Variants in CDK15 observed in about 807,000 individuals in gnomAD.
CDK15 encodes the protein cyclin dependent kinase 15.
In CDK15, 62 loss-of-function variants were observed where a neutral mutation model predicts 60.3. The observed-to-expected ratio is 1.03, with a 90% CI of 0.84 to 1.27. CDK15 has a LOEUF of 1.27. Among genes scored for constraint, CDK15 ranks in the 50% most tolerant of loss-of-function variants. The probability of loss-of-function intolerance (pLI) is 0.00; values close to 1 mark genes in which losing one functional copy is unlikely to be tolerated. For missense variants in CDK15, 541 were observed against 527.8 expected (o/e 1.03, Z -0.25); for synonymous variants, 194 against 195.7 (o/e 0.99, Z 0.07).
At chr2:201,821,680 C>CT (rs904111708) in intron 4 of CDK15, among the ~76,000 whole-genome samples, 4 of 151,940 alleles carry the variant, frequency 2.6e-5, no homozygotes, top group East Asian at 3.9e-4. Context: ...CTCATCATCT[C>CT]TTTTTTTTGA....
intron 12 of CDK15, among the ~76,000 whole-genome samples, chr2:201,881,832 C>T (rs1363278262): frequency 6.6e-6 from 1 of 152,106 alleles, no homozygotes; most frequent in Non-Finnish European, 1.5e-5. Context: ...TCAGCTTTCT[C>T]CTGTCAGACT....
intron 11 of CDK15, among the ~76,000 whole-genome samples, chr2:201,877,581 A>C (rs1284814273): frequency 2.0e-5 from 3 of 152,216 alleles, no homozygotes; most frequent in African/African-American, 7.2e-5. Flanking sequence ...CCTTCCAGAG[A>C]GATCCTAGGC....
intron 11 of CDK15, chr2:201,876,493 C>A: frequency 1.1e-6 from 1 of 917,748 alleles, no homozygotes; most frequent in Non-Finnish European, 1.5e-6. Flanking sequence ...TTGGCTTGTA[C>A]AGGGGAGACC....
At chr2:201,823,752 C>T (rs1559119016) in intron 6 of CDK15, 25 bp downstream of exon 6, 6 of 1,604,040 alleles carry the variant, frequency 3.7e-6, no homozygotes, top group Non-Finnish European at 5.1e-6. Flanking sequence ...GGTCAGGACC[C>T]TCTCCTGGCT....
intron 9 of CDK15, among the ~76,000 whole-genome samples, chr2:201,848,502 T>A (rs1697767608): frequency 6.6e-6 from 1 of 152,136 alleles, no homozygotes; most frequent in African/African-American, 2.4e-5. Context: ...AACTTCTCTA[T>A]CATCCCTAAG....
intron 10 of CDK15, chr2:201,861,116 T>C: frequency 1.0e-5 from 11 of 1,053,856 alleles, no homozygotes; most frequent in Non-Finnish European, 1.3e-5. Flanking sequence ...TCAATTCATA[T>C]GGAACTGTAA....
chr2:201,888,075 T>C (rs1055009552), intron 12 of CDK15, among the ~76,000 whole-genome samples: 2 of 151,344 alleles, frequency 1.3e-5, no homozygotes, highest in Admixed American at 1.3e-4. Flanking sequence ...CTTTTAGCGA[T>C]TATGGGCAAG....
chr2:201,820,883 T>G (rs976033356), intron 4 of CDK15, among the ~76,000 whole-genome samples: 1 of 152,138 alleles, frequency 6.6e-6, no homozygotes, highest in Non-Finnish European at 1.5e-5. Context: ...AAGTAAAAAT[T>G]AAGGCATTAG....
At chr2:201,840,728 T>C (rs1697339065) in intron 8 of CDK15, among the ~76,000 whole-genome samples, 1 of 152,240 alleles carries the variant, frequency 6.6e-6, no homozygotes, top group African/African-American at 2.4e-5. Context: ...TTGTCTTCCA[T>C]TGTTGCTGTC....
chr2:201,853,825 G>T (rs1414954481), intron 9 of CDK15, among the ~76,000 whole-genome samples: 1 of 151,974 alleles, frequency 6.6e-6, no homozygotes, highest in Non-Finnish European at 1.5e-5. Flanking sequence ...TACTCCGAAA[G>T]ACTTTATTTT....
chr2:201,835,608 G>GA, intron 7 of CDK15, 35 bp from the exon 8 acceptor site: 1 of 1,559,548 alleles, frequency 6.4e-7, no homozygotes, highest in Non-Finnish European at 8.7e-7. Flanking sequence ...CCAAGGTCCA[G>GA]AACGATGGGT....
chr2:201,864,102 T>G (rs1698511706), intron 10 of CDK15, among the ~76,000 whole-genome samples: 1 of 152,174 alleles, frequency 6.6e-6, no homozygotes, highest in Non-Finnish European at 1.5e-5. Context: ...AAAATAAATA[T>G]GACACTGGTA....
intron 4 of CDK15, among the ~76,000 whole-genome samples, chr2:201,814,949 ATTTTTTT>A (rs5837791): frequency 8.0e-6 from 1 of 124,886 alleles, no homozygotes; most frequent in Non-Finnish European, 1.7e-5. Context: ...ACTAAGGAAC[ATTTTTTT>A]TTTTTTTTTT....
chr2:201,817,557 A>G (rs1696049492), intron 4 of CDK15, among the ~76,000 whole-genome samples: 1 of 152,242 alleles, frequency 6.6e-6, no homozygotes, highest in Non-Finnish European at 1.5e-5. Flanking sequence ...ATCTTTTAAG[A>G]TCATTCTCTA....
chr2:201,812,588 T>C, intron 4 of CDK15, 26 bp downstream of exon 4: 1 of 1,526,134 alleles, frequency 6.6e-7, no homozygotes, highest in Non-Finnish European at 9.1e-7. Flanking sequence ...ATGGACCCAA[T>C]AGATCTGTTT....
chr2:201,832,556 G>T (rs751144443), intron 6 of CDK15, among the ~76,000 whole-genome samples: 1 of 152,224 alleles, frequency 6.6e-6, no homozygotes, highest in Admixed American at 6.5e-5. Context: ...GCATCAGAAA[G>T]AGAAAATGCT....
rs184986116 is a variant in CDK15 at position 201,889,761 on chromosome 2, G to A, written c.1199-1024G>A. Reference sequence around the variant, plus strand: ...TTGCACCTTAGAGTCTATATAAATAGATTGCCAGCCAGGCCCCGAGGCTCA... The same window carrying A: ...TTGCACCTTAGAGTCTATATAAATAAATTGCCAGCCAGGCCCCGAGGCTCA... On this transcript the variant is annotated intron_variant, in intron 12 of 13. Coordinates refer to ENST00000652192, the MANE Select transcript of CDK15 (RefSeq NM_001366386.2). Among the ~76,000 whole-genome samples the A allele has an allele frequency of 4.4e-3, 662 of 151,702 alleles. 3 individuals carry two copies. Among genetic ancestry groups the A allele is most frequent in the African/African-American group, 0.015 (625 of 41,324 alleles).
chr2:201,890,339 C>T (rs565090762), intron 12 of CDK15, among the ~76,000 whole-genome samples: 20 of 152,310 alleles, frequency 1.3e-4, no homozygotes, highest in East Asian at 3.9e-4. Flanking sequence ...ATCCCTCAAC[C>T]GGGAATATCC....
At chr2:201,861,138 C>G (rs1233019083) in intron 10 of CDK15, 1 of 1,029,342 alleles carries the variant, frequency 9.7e-7, no homozygotes, top group Non-Finnish European at 1.2e-6. Context: ...TCCAAGCTCC[C>G]CCTTTTACTA....
Sources: allele counts gnomAD v4.1 joint callset (sites outside exome capture counted in the v4.1 genomes callset), GRCh38; gene constraint gnomAD v4.1.1; transcripts MANE v1.5; gene names NCBI Gene and HGNC (gene_info 2026-07-23, HGNC 2026-07-21).